Variants in SESTD1 observed in about 807,000 individuals in gnomAD.
SESTD1 encodes the protein SEC14 and spectrin domain containing 1.
SESTD1 carries 43 observed loss-of-function variants against 101.7 expected under a neutral mutation model. The observed-to-expected ratio is 0.42, with a 90% CI of 0.33 to 0.55. The LOEUF is 0.55. Among genes scored for constraint, SESTD1 ranks in the 20% least tolerant of loss-of-function variants. The pLI, the probability that SESTD1 is intolerant of heterozygous loss-of-function variation, is 0.07. For synonymous variants in SESTD1, 283 were observed against 286.8 expected (o/e 0.99, Z 0.13); for missense variants, 647 against 815.1 (o/e 0.79, Z 2.51).
At chr2:179,257,200 G>A (rs2047410189) in intron 1 of SESTD1, among the ~76,000 whole-genome samples, 1 of 151,270 alleles carries the variant, frequency 6.6e-6, no homozygotes, top group African/African-American at 2.4e-5. Context: ...ACCTATTCTG[G>A]TTCAGGGGGC....
chr2:179,116,367 T>C (rs1161869818), intron 15 of SESTD1, among the ~76,000 whole-genome samples: 2 of 152,196 alleles, frequency 1.3e-5, no homozygotes, highest in Non-Finnish European at 2.9e-5. Context: ...TCTTATTTAC[T>C]GATATTAACA....
chr2:179,220,546 C>CAT (rs1273622832), intron 1 of SESTD1, among the ~76,000 whole-genome samples: 1 of 152,134 alleles, frequency 6.6e-6, no homozygotes. Context: ...TCTACCTGTA[C>CAT]ATTTTCTGCA....
chr2:179,202,292 GCCTAATAA>G (rs1201574688), intron 1 of SESTD1, among the ~76,000 whole-genome samples: 1 of 133,284 alleles, frequency 7.5e-6, no homozygotes, highest in Admixed American at 7.3e-5. Context: ...CCTAAAGAAG[GCCTAATAA>G]AATAACACTC....
chr2:179,264,121 T>C (rs1395256989), intron 1 of SESTD1: 2 of 152,218 alleles, frequency 1.3e-5, no homozygotes, highest in African/African-American at 4.8e-5. Context: ...CCCAAACCTG[T>C]TGCACAATTC....
chr2:179,116,273 TAAAAAAA>T lies in SESTD1; in HGVS notation c.1647+388_1647+394del, dbSNP rs371896290. ...TGGGCAACAGAGGAAGACTGTGTCT[TAAAAAAA>T]AAAAAAAAGACACTTTTCACCACAA... On this transcript the variant is annotated intron_variant, in intron 15 of 17. Transcript: ENST00000428443. Among the ~76,000 whole-genome samples the T allele has an allele frequency of 9.4e-3, 1,304 of 139,328 alleles. 10 individuals are homozygous for T. Among genetic ancestry groups the T allele is most frequent in the African/African-American group, 0.032 (1,216 of 37,806 alleles). The allele number at this position is 139,328 out of a possible 152,430, so 91.4% of individuals were successfully genotyped here.
At chr2:179,165,759 C>T (rs60072979) in intron 5 of SESTD1, among the ~76,000 whole-genome samples, 8,712 of 152,280 alleles carry the variant, frequency 0.057, 313 homozygotes, top group South Asian at 0.11. Flanking sequence ...TCTTCCCTTA[C>T]ATTACTGGCA....
rs974930661 is a variant in SESTD1 at position 179,183,298 on chromosome 2, T to C, written c.56-110A>G. The C allele has an allele frequency of 2.8e-5, 17 of 610,450 alleles. No individual in the cohort carries two copies. In the African/African-American group the frequency reaches 3.3e-4, roughly 12 times the overall value. The allele number at this position is 610,450 out of a possible 1,614,324, so 37.8% of individuals were successfully genotyped here. A position where few individuals can be genotyped will look rare whatever the true frequency, so the allele number is the denominator to read the frequency against. On this transcript the variant is annotated intron_variant, in intron 2 of 17. Transcript: ENST00000428443. ...AAATAATGATAAGTTTAAGATATAA[T>C]TTGGAAAATATCTAATGGCTACTTA... is the stretch of plus-strand genomic sequence containing the variant.
At chr2:179,204,009 G>A (rs1204275774) in intron 1 of SESTD1, among the ~76,000 whole-genome samples, 1 of 134,974 alleles carries the variant, frequency 7.4e-6, no homozygotes, top group East Asian at 2.0e-4. Flanking sequence ...AATTGAACTG[G>A]GTTGTAGGAC....
intron 1 of SESTD1, among the ~76,000 whole-genome samples, chr2:179,193,507 T>A (rs2046347954): frequency 6.6e-6 from 1 of 152,210 alleles, no homozygotes; most frequent in African/African-American, 2.4e-5. Flanking sequence ...ATCTTAAATC[T>A]CCTGTCCTGT....
rs145694294 is a variant in SESTD1 at position 179,133,989 on chromosome 2, G to C, written c.850-1563C>G. Among the ~76,000 whole-genome samples, 1,275 of 152,254 alleles carry C rather than the reference G, an allele frequency of 8.4e-3. 10 individuals carry two copies. The highest frequency in any genetic ancestry group is 0.029 in the African/African-American group (1,189 of 41,554). ...GTACACTATAACAGCTATTTTCATA[G>C]CATCTGCATTGTAGTAGATATTATA... On this transcript the variant is annotated intron_variant, in intron 9 of 17. Coordinates refer to ENST00000428443, the MANE Select transcript of SESTD1 (RefSeq NM_178123.5).
intron 1 of SESTD1, among the ~76,000 whole-genome samples, chr2:179,236,324 A>T (rs939225006): frequency 3.3e-5 from 2 of 60,912 alleles, no homozygotes; most frequent in Admixed American, 1.4e-4. Context: ...CTCATCTCTT[A>T]AAAAAAAAAA....
At chr2:179,204,115 TA>T (rs550646409) in intron 1 of SESTD1, among the ~76,000 whole-genome samples, 1 of 133,574 alleles carries the variant, frequency 7.5e-6, no homozygotes, top group South Asian at 2.9e-4. Flanking sequence ...AAGTTTCATA[TA>T]TATATATACA....
chr2:179,215,786 T>G (rs1307119681), intron 1 of SESTD1, among the ~76,000 whole-genome samples: 1 of 135,042 alleles, frequency 7.4e-6, no homozygotes, highest in Non-Finnish European at 1.6e-5. Flanking sequence ...CAATAGCTAA[T>G]CCACCACTAT....
intron 1 of SESTD1, among the ~76,000 whole-genome samples, chr2:179,218,612 ACAAAGCC>A (rs1484811809): frequency 1.3e-5 from 2 of 152,240 alleles, no homozygotes; most frequent in African/African-American, 4.8e-5. Flanking sequence ...ACTTCTTAGA[ACAAAGCC>A]CTTCTACAGT....
intron 3 of SESTD1, 106 bp downstream of exon 3, chr2:179,182,974 G>A (rs946745819): frequency 7.4e-5 from 48 of 649,492 alleles, no homozygotes; most frequent in African/African-American, 2.6e-4. Flanking sequence ...ATTTCACTGC[G>A]AATAAAAGCA....
At position 179,112,797 on chromosome 2, in the gene SESTD1, GCTC is replaced by G. The variant is rs758778715; in HGVS notation, c.1885_1887del (p.Glu629del). The G allele has an allele frequency of 1.2e-5, 20 of 1,612,862 alleles. No individual in the cohort carries two copies. The East Asian group carries it at 3.8e-4, about 31-fold the overall frequency. On this transcript the variant is annotated inframe_deletion, in exon 17 of 18. Transcript: ENST00000428443. ...CCAACTGCTTCAATTTCATCAAATT[GCTC>G]CTCATCATTAATAGCTTCAGGCTCT...
At chr2:179,156,496 G>GT (rs1399108122) in intron 5 of SESTD1, among the ~76,000 whole-genome samples, 1 of 151,930 alleles carries the variant, frequency 6.6e-6, no homozygotes, top group Non-Finnish European at 1.5e-5. Flanking sequence ...GCCAACATCT[G>GT]TTTTTTGATT....
At chr2:179,261,692 A>C (rs13392996) in intron 1 of SESTD1, among the ~76,000 whole-genome samples, 39,630 of 151,622 alleles carry the variant, frequency 0.26, 5,645 homozygotes, top group South Asian at 0.43. Context: ...CATTGCTATA[A>C]CCCTACATTG....
intron 16 of SESTD1, among the ~76,000 whole-genome samples, chr2:179,114,096 C>T (rs1249535043): frequency 6.6e-6 from 1 of 152,160 alleles, no homozygotes; most frequent in East Asian, 1.9e-4. Context: ...TAATAGTATA[C>T]TTCATAATAA....
Sources: allele counts gnomAD v4.1 joint callset (sites outside exome capture counted in the v4.1 genomes callset), GRCh38; gene constraint gnomAD v4.1.1; transcripts MANE v1.5; gene names NCBI Gene and HGNC (gene_info 2026-07-23, HGNC 2026-07-21).